Variants in ZNRF1 observed in about 807,000 individuals in gnomAD.
ZNRF1 encodes zinc and ring finger 1.
Under a neutral mutation model 18.4 loss-of-function variants are expected in ZNRF1, and 3 were observed. That is an observed-to-expected ratio of 0.16 (90% CI 0.07 to 0.42). The LOEUF (loss-of-function observed/expected upper bound fraction) is 0.42. ZNRF1 is among the 10% of genes least tolerant of loss of function. The probability of loss-of-function intolerance (pLI) is 0.99; values close to 1 mark genes in which losing one functional copy is unlikely to be tolerated. For missense variants in ZNRF1, 310 were observed against 329.8 expected, an observed-to-expected ratio of 0.94 and a Z score of 0.47; for synonymous variants, 157 against 144.2, an observed-to-expected ratio of 1.09 and a Z score of -0.64.
At chr16:75,063,107 G>A (rs2035762484) in intron 1 of ZNRF1, among the ~76,000 whole-genome samples, 1 of 152,222 alleles carries the variant, frequency 6.6e-6, no homozygotes, top group African/African-American at 2.4e-5. Flanking sequence ...GTGAAAAACA[G>A]GAGACAAAGC....
At chr16:75,036,143 T>C (rs1322402187) in intron 1 of ZNRF1, among the ~76,000 whole-genome samples, 2 of 152,144 alleles carry the variant, frequency 1.3e-5, no homozygotes, top group African/African-American at 2.4e-5. Context: ...CAATCTCAGC[T>C]CACAGCAGCC....
chr16:75,007,413 C>T (rs1488076291), intron 1 of ZNRF1, among the ~76,000 whole-genome samples: 1 of 152,160 alleles, frequency 6.6e-6, no homozygotes, highest in Non-Finnish European at 1.5e-5. Flanking sequence ...GACTGTTTAC[C>T]TTGAGACCTC....
At chr16:75,014,450 G>A (rs895293471) in intron 1 of ZNRF1, among the ~76,000 whole-genome samples, 1 of 152,098 alleles carries the variant, frequency 6.6e-6, no homozygotes, top group Non-Finnish European at 1.5e-5. Flanking sequence ...CAAAATGGAG[G>A]TAGTATATAA....
At chr16:75,101,989 G>A (rs994097196) in intron 2 of ZNRF1, among the ~76,000 whole-genome samples, 3 of 152,154 alleles carry the variant, frequency 2.0e-5, no homozygotes, top group Admixed American at 6.5e-5. Context: ...GTGGGTCCTC[G>A]GGCTAGCCAG....
At chr16:75,058,477 A>G (rs2035697024) in intron 1 of ZNRF1, among the ~76,000 whole-genome samples, 1 of 152,218 alleles carries the variant, frequency 6.6e-6, no homozygotes, top group Non-Finnish European at 1.5e-5. Context: ...GTCAGCAGGA[A>G]CTAAGGAGAA....
intron 1 of ZNRF1, among the ~76,000 whole-genome samples, chr16:75,015,769 T>A (rs559095587): frequency 6.6e-6 from 1 of 152,028 alleles, no homozygotes; most frequent in African/African-American, 2.4e-5. Context: ...ACTGGGATAA[T>A]AGACGTGAGC....
intron 1 of ZNRF1, among the ~76,000 whole-genome samples, chr16:75,007,202 C>T (rs551875449): frequency 4.0e-5 from 6 of 151,604 alleles, no homozygotes; most frequent in Admixed American, 6.6e-5. Flanking sequence ...GGACTACAGG[C>T]GGATGCCGCT....
chr16:75,044,893 TG>T (rs2035495064), intron 1 of ZNRF1, among the ~76,000 whole-genome samples: 1 of 152,252 alleles, frequency 6.6e-6, no homozygotes, highest in Non-Finnish European at 1.5e-5. Flanking sequence ...GAGCTTAGTA[TG>T]GTGCTCTGTC....
intron 1 of ZNRF1, among the ~76,000 whole-genome samples, chr16:75,030,896 G>A (rs1160672426): frequency 3.1e-4 from 43 of 139,746 alleles, no homozygotes; most frequent in Middle Eastern, 7.8e-3. Flanking sequence ...GCTGGAGTGC[G>A]GTGGCGTGAT....
At chr16:75,006,494 G>T (rs1442741956) in intron 1 of ZNRF1, among the ~76,000 whole-genome samples, 2 of 152,156 alleles carry the variant, frequency 1.3e-5, no homozygotes, top group Non-Finnish European at 2.9e-5. Flanking sequence ...GGAGTGCAGT[G>T]GCATGATCTG....
intron 1 of ZNRF1, among the ~76,000 whole-genome samples, chr16:75,013,095 A>G (rs1376610074): frequency 2.0e-5 from 3 of 152,238 alleles, no homozygotes; most frequent in African/African-American, 7.2e-5. Context: ...GGAAAAAGCA[A>G]TTAGGAACCT....
intron 1 of ZNRF1, among the ~76,000 whole-genome samples, chr16:75,011,024 C>T (rs2145323438): frequency 6.6e-6 from 1 of 152,232 alleles, no homozygotes; most frequent in Non-Finnish European, 1.5e-5. Flanking sequence ...AAGCTTTAAC[C>T]TGGATTCAGG....
At chr16:75,059,097 C>T (rs556246245) in intron 1 of ZNRF1, among the ~76,000 whole-genome samples, 26 of 152,232 alleles carry the variant, frequency 1.7e-4, no homozygotes, top group Non-Finnish European at 2.8e-4. Flanking sequence ...GCCAACCATC[C>T]GGACTGTTTT....
chr16:75,002,130 C>T (rs1368373972), intron 1 of ZNRF1, among the ~76,000 whole-genome samples: 1 of 152,180 alleles, frequency 6.6e-6, no homozygotes, highest in African/African-American at 2.4e-5. Context: ...CCAAGAATTC[C>T]CAAATGCCCT....
intron 1 of ZNRF1, among the ~76,000 whole-genome samples, chr16:75,059,421 T>C (rs1007587759): frequency 6.6e-6 from 1 of 151,818 alleles, no homozygotes; most frequent in African/African-American, 2.4e-5. Context: ...CTAAGTTTTG[T>C]ATTTTTTGTA....
At chr16:75,066,668 A>T (rs921626863) in intron 1 of ZNRF1, among the ~76,000 whole-genome samples, 4 of 151,980 alleles carry the variant, frequency 2.6e-5, no homozygotes, top group Non-Finnish European at 5.9e-5. Flanking sequence ...ATGCCCGGCT[A>T]ATTTTTTGTA....
At chr16:75,009,320 C>T (rs753355452) in intron 1 of ZNRF1, among the ~76,000 whole-genome samples, 4 of 152,072 alleles carry the variant, frequency 2.6e-5, no homozygotes, top group South Asian at 2.1e-4. Context: ...CTATCTTAAC[C>T]GTTTTTAAGT....
At chr16:75,073,164 C>CTCTCTGTCTA (rs771036918) in intron 1 of ZNRF1, among the ~76,000 whole-genome samples, 125 of 149,954 alleles carry the variant, frequency 8.3e-4, no homozygotes, top group African/African-American at 3.0e-3. Context: ...GTCTCTCTGT[C>CTCTCTGTCTA]TATATATATG....
intron 1 of ZNRF1, 131 bp from the exon 2 acceptor site, chr16:75,093,441 C>T: frequency 3.0e-6 from 2 of 666,386 alleles, no homozygotes; most frequent in Non-Finnish European, 5.4e-6. Flanking sequence ...AGGACAGGTC[C>T]AGGGTCTGTT....
Sources: allele counts gnomAD v4.1 joint callset (sites outside exome capture counted in the v4.1 genomes callset), GRCh38; gene constraint gnomAD v4.1.1; transcripts MANE v1.5; gene names NCBI Gene and HGNC (gene_info 2026-07-23, HGNC 2026-07-21).